Variants in TNS3 observed in about 807,000 individuals in gnomAD.
TNS3 encodes the protein tensin 3.
A neutral mutation model predicts 140.9 loss-of-function variants in TNS3; 45 were observed. That is an observed-to-expected ratio of 0.32 (90% CI 0.25 to 0.41). The LOEUF (loss-of-function observed/expected upper bound fraction) is 0.41. TNS3 is among the 10% of genes least tolerant of loss of function. The pLI is 1.00. For missense variants in TNS3, 1,716 were observed against 1,906.7 expected (o/e 0.90, Z 1.86); for synonymous variants, 815 against 788.4 (o/e 1.03, Z -0.56).
chr7:47,518,072 C>A (rs567710819), intron 2 of TNS3, among the ~76,000 whole-genome samples: 2 of 152,318 alleles, frequency 1.3e-5, no homozygotes, highest in Admixed American at 6.5e-5. Flanking sequence ...TTTGCACAGG[C>A]CTTTGTGGCA....
intron 7 of TNS3, among the ~76,000 whole-genome samples, chr7:47,435,647 G>GGT: frequency 6.6e-6 from 1 of 152,140 alleles, no homozygotes; most frequent in East Asian, 1.9e-4. Flanking sequence ...CTGCAGCTGG[G>GGT]GTGACAATTC....
At chr7:47,498,399 G>A (rs1255110911) in intron 3 of TNS3, among the ~76,000 whole-genome samples, 1 of 152,162 alleles carries the variant, frequency 6.6e-6, no homozygotes. Flanking sequence ...CTAGCCTCCT[G>A]CCCAGGACAC....
At chr7:47,485,122 G>A (rs1205053673) in intron 3 of TNS3, among the ~76,000 whole-genome samples, 1 of 152,198 alleles carries the variant, frequency 6.6e-6, no homozygotes, top group Non-Finnish European at 1.5e-5. Flanking sequence ...GGCATGGCCA[G>A]GAGTCTAGAT....
At chr7:47,390,201 G>A (rs1045487108) in intron 16 of TNS3, among the ~76,000 whole-genome samples, 5 of 152,172 alleles carry the variant, frequency 3.3e-5, no homozygotes, top group Admixed American at 1.3e-4. Flanking sequence ...AGGTGCCATC[G>A]GCCCCCTCCT....
intron 1 of TNS3, among the ~76,000 whole-genome samples, chr7:47,550,058 C>T (rs1447378340): frequency 2.0e-5 from 3 of 151,824 alleles, no homozygotes; most frequent in Non-Finnish European, 4.4e-5. Flanking sequence ...CATTGGTCCC[C>T]AAATGCAACA....
intron 20 of TNS3, among the ~76,000 whole-genome samples, chr7:47,341,479 C>A (rs1391677010): frequency 6.6e-6 from 1 of 152,162 alleles, no homozygotes; most frequent in Non-Finnish European, 1.5e-5. Flanking sequence ...CATTAAGGAA[C>A]TGGTCTATTT....
chr7:47,326,317 T>C (rs1359590054), intron 20 of TNS3, among the ~76,000 whole-genome samples: 1 of 152,148 alleles, frequency 6.6e-6, no homozygotes, highest in East Asian at 1.9e-4. Flanking sequence ...TTAAGAAGCT[T>C]ATTCAAAGGA....
intron 1 of TNS3, chr7:47,581,452 A>T (rs970275040): frequency 2.0e-5 from 3 of 152,138 alleles, no homozygotes; most frequent in African/African-American, 7.2e-5. Context: ...GCCTAGAAAA[A>T]GTAGGAGAAG....
chr7:47,389,080 A>AGAAGAAGAG (rs1792310225), intron 16 of TNS3, among the ~76,000 whole-genome samples: 9 of 65,844 alleles, frequency 1.4e-4, no homozygotes, highest in African/African-American at 4.6e-4. Flanking sequence ...AAGAAGAAGA[A>AGAAGAAGAG]GAAGAGGAAG....
chr7:47,468,740 T>C (rs775429984), intron 4 of TNS3, among the ~76,000 whole-genome samples: 10 of 152,100 alleles, frequency 6.6e-5, no homozygotes, highest in South Asian at 2.1e-4. Flanking sequence ...AAAAAAACTA[T>C]TGTAAAATTC....
At chr7:47,346,673 C>G (rs1293095127) in intron 17 of TNS3, among the ~76,000 whole-genome samples, 1 of 152,094 alleles carries the variant, frequency 6.6e-6, no homozygotes, top group African/African-American at 2.4e-5. Flanking sequence ...GGACAGTGCC[C>G]GGATGGAATG....
Position 47,303,470 on chromosome 7 carries a change from C to T in TNS3, c.2937G>A (p.Arg979=), listed in dbSNP as rs758226441. 9.9e-6 allele frequency: 16 copies of T among 1,611,828 alleles called. No individual in the cohort carries two copies. In the South Asian group the frequency reaches 1.3e-4, roughly 13 times the overall value. ...AGCAGGACAGCACTGGGGAGTCCTT[C>T]CTGGTACCGGAGAACTCAGCGCTGA... ...SPLSAEFSGT[R]KDSPVLSCFP... The change falls in exon 22 of 31, where the codon AGG becomes AGA. Residue 979 remains arginine, a synonymous_variant. Coordinates refer to ENST00000311160, the MANE Select transcript of TNS3 (RefSeq NM_022748.12).
intron 20 of TNS3, among the ~76,000 whole-genome samples, chr7:47,340,676 C>T (rs1013004034): frequency 1.0e-4 from 15 of 150,484 alleles, no homozygotes; most frequent in African/African-American, 3.7e-4. Flanking sequence ...CCGCCTCTTC[C>T]CTGGGATTTT....
chr7:47,290,539 G>A (rs1453927424), intron 27 of TNS3, among the ~76,000 whole-genome samples: 1 of 152,046 alleles, frequency 6.6e-6, no homozygotes, highest in Non-Finnish European at 1.5e-5. Context: ...ACAAGCCAAA[G>A]GCCTTTATGG....
intron 3 of TNS3, among the ~76,000 whole-genome samples, chr7:47,494,965 A>G (rs1797947122): frequency 6.6e-6 from 1 of 152,168 alleles, no homozygotes; most frequent in African/African-American, 2.4e-5. Flanking sequence ...GTGGCTGAAA[A>G]AAAGAAGAAA....
chr7:47,578,496 G>A (rs1165638370), intron 1 of TNS3, among the ~76,000 whole-genome samples: 1 of 151,886 alleles, frequency 6.6e-6, no homozygotes, highest in African/African-American at 2.4e-5. Flanking sequence ...CTCCCAGCGA[G>A]GGTAGGAGGC....
At chr7:47,441,147 A>G (rs1003270729) in intron 5 of TNS3, among the ~76,000 whole-genome samples, 11 of 152,190 alleles carry the variant, frequency 7.2e-5, no homozygotes, top group Non-Finnish European at 1.6e-4. Flanking sequence ...AATAACATCA[A>G]ACATCCAATA....
In TNS3 at chr7:47,564,376, G is replaced by T. The variant is rs540529022; in HGVS notation, c.-265+17675C>A. ...AACCTTGCTGGGCGTGGTGACTCAT[G>T]CCTGTAATCCCAGCACTTTGGGAGG... On this transcript the variant is annotated intron_variant, in intron 1 of 30. Coordinates refer to ENST00000311160, the MANE Select transcript of TNS3 (RefSeq NM_022748.12). Among the ~76,000 whole-genome samples the T allele has an allele frequency of 1.8e-4, 28 of 152,056 alleles. No homozygotes were observed. The South Asian group carries it at 5.6e-3, about 30-fold the overall frequency.
At chr7:47,453,181 G>A (rs974394399) in intron 4 of TNS3, 45 of 985,634 alleles carry the variant, frequency 4.6e-5, no homozygotes, top group Middle Eastern at 5.2e-4. Flanking sequence ...CGGTGAGCAC[G>A]CAGGCATGGA....
Sources: gnomAD v4.1 joint callset for allele counts (sites outside exome capture counted in the v4.1 genomes callset) on GRCh38, gnomAD v4.1.1 for gene constraint, MANE v1.5 for transcripts, NCBI Gene and HGNC (gene_info 2026-07-23, HGNC 2026-07-21) for gene names.